The following SDK2 variants were observed in gnomAD, a reference collection of about 807,000 sequenced individuals.
SDK2 encodes the protein protein sidekick-2.
SDK2 carries 105 observed loss-of-function variants against 253.9 expected under a neutral mutation model. The observed-to-expected ratio is 0.41, with a 90% CI of 0.35 to 0.49. The LOEUF is 0.49. Among genes scored for constraint, SDK2 ranks in the 20% least tolerant of loss-of-function variants. The pLI, the probability that SDK2 is intolerant of heterozygous loss-of-function variation, is 0.06. For missense variants in SDK2, 2,608 were observed against 3,003.0 expected, an observed-to-expected ratio of 0.87 and a Z score of 3.07; for synonymous variants, 1,249 against 1,234.9, an observed-to-expected ratio of 1.01 and a Z score of -0.24.
intron 1 of SDK2, among the ~76,000 whole-genome samples, chr17:73,562,258 C>T (rs1176432645): frequency 6.6e-6 from 1 of 152,190 alleles, no homozygotes; most frequent in African/African-American, 2.4e-5. Flanking sequence ...TCCAAGGTAC[C>T]AGGATGGTTC....
intron 16 of SDK2, among the ~76,000 whole-genome samples, chr17:73,416,633 A>T (rs1421032180): frequency 6.6e-6 from 1 of 152,068 alleles, no homozygotes; most frequent in African/African-American, 2.4e-5. Context: ...TCTTTCACCC[A>T]GGCTGGAGTG....
chr17:73,630,121 C>A (rs2046249919), intron 1 of SDK2, among the ~76,000 whole-genome samples: 1 of 152,164 alleles, frequency 6.6e-6, no homozygotes, highest in Non-Finnish European at 1.5e-5. Flanking sequence ...TCAGCCACCA[C>A]CATGACACCT....
rs183916294 is a variant in SDK2, at chr17:73,540,377, A to T, written c.65-32780T>A. ...TTCTCCAATAACACTGGAACTTTAC[A>T]CACACACACAGTCCCCAATATACTA... On this transcript the variant is annotated intron_variant, in intron 1 of 44. Coordinates refer to ENST00000392650, the MANE Select transcript of SDK2 (RefSeq NM_001144952.2). 2.9e-4 allele frequency among the ~76,000 whole-genome samples: 44 copies of T among 152,218 alleles called. No homozygotes were observed. The East Asian group carries it at 5.0e-3, about 17-fold the overall frequency.
At position 73,570,596 on chromosome 17, in the gene SDK2, G is replaced by A. The variant is rs2045371264; in HGVS notation, c.65-62999C>T. Among the ~76,000 whole-genome samples the A allele has an allele frequency of 6.6e-6, 1 of 152,206 alleles. No homozygotes were observed. The highest frequency in any genetic ancestry group is 2.4e-5 in the African/African-American group (1 of 41,460). On this transcript the variant is annotated intron_variant, in intron 1 of 44. Coordinates refer to ENST00000392650, the MANE Select transcript of SDK2 (RefSeq NM_001144952.2). This position sits in a 1 kb window ranked among gnomAD's most constrained non-coding sequence, Gnocchi z 4.2. ...CCACTGAGCGCTGACTACCCGTGAG[G>A]CACTGAACACCACCATCAGCTCACC... is the stretch of plus-strand genomic sequence containing the variant.
chr17:73,384,945 C>A (rs182182788), intron 32 of SDK2, among the ~76,000 whole-genome samples: 1 of 152,248 alleles, frequency 6.6e-6, no homozygotes, highest in South Asian at 2.1e-4. Flanking sequence ...CACGTTGCTC[C>A]AGCCTCGTCC....
intron 36 of SDK2, among the ~76,000 whole-genome samples, chr17:73,368,941 G>A (rs2062710235): frequency 3.3e-5 from 5 of 152,012 alleles, no homozygotes. Context: ...GAACCTGGGA[G>A]GTGGAGGTTG....
rs780265782 is a variant in SDK2 at position 73,350,325 on chromosome 17, C to G, written c.5950G>C (p.Asp1984His). The G allele has an allele frequency of 1.9e-6, 3 of 1,602,446 alleles. No individual in the cohort carries two copies. Among genetic ancestry groups the G allele is most frequent in the African/African-American group, 2.8e-5 (2 of 72,424 alleles). ...TCCAGGGCAGGGAAGCTGCTTTCAT[C>G]CAAGCTCATCATCTCGCTGTGGCCT... ...ALGHSEMMSLDESSFPALELN... is the reference protein window; with the variant it reads ...ALGHSEMMSLHESSFPALELN... Residue 1984 changes from aspartate (D) to histidine (H), a missense_variant, in exon 43 of 45, where the codon GAT becomes CAT. By Grantham distance (81) the Asp-to-His change is moderately conservative. Around this residue, in one of 2 missense-constraint regions of SDK2, gnomAD observed 1,103 missense variants for 1,143.9 expected, o/e 0.96. Coordinates refer to ENST00000392650, the MANE Select transcript of SDK2 (RefSeq NM_001144952.2).
intron 1 of SDK2, among the ~76,000 whole-genome samples, chr17:73,560,499 G>A (rs535638380): frequency 3.3e-5 from 5 of 151,678 alleles, no homozygotes; most frequent in Middle Eastern, 3.4e-3. Context: ...GCCACCATGC[G>A]CGTCTAATTT....
chr17:73,447,512 T>C lies in SDK2; in HGVS notation c.613+103A>G. On this transcript the variant is annotated intron_variant, in intron 5 of 44. Coordinates refer to ENST00000392650, the MANE Select transcript of SDK2 (RefSeq NM_001144952.2). This position sits in a 1 kb window ranked among gnomAD's most constrained non-coding sequence, Gnocchi z 4.0. ...CCCCGGCCGTCCCCTAGCTTCCCTGTCCCCCTCCTCTGCCACTCCATCTTC... is the reference window on the plus strand; with the variant it reads ...CCCCGGCCGTCCCCTAGCTTCCCTGCCCCCCTCCTCTGCCACTCCATCTTC... The C allele has an allele frequency of 6.8e-7, 1 of 1,478,850 alleles. No homozygotes were observed. The highest frequency in any genetic ancestry group is 1.3e-5 in the South Asian group (1 of 76,154). The allele number at this position is 1,478,850 out of a possible 1,614,324, so 91.6% of individuals were successfully genotyped here.
At chr17:73,418,328 AG>A (rs1208877396) in intron 16 of SDK2, among the ~76,000 whole-genome samples, 1 of 152,130 alleles carries the variant, frequency 6.6e-6, no homozygotes, top group Non-Finnish European at 1.5e-5. Context: ...TTAAAAGCAA[AG>A]GTTTCTAAGC....
rs558195799 is a variant in SDK2, at chr17:73,631,781, TG to T, written c.64+12243del. On this transcript the variant is annotated intron_variant, in intron 1 of 44. Coordinates refer to ENST00000392650, the MANE Select transcript of SDK2 (RefSeq NM_001144952.2). ...CCTACTTTGCAAGGGGCTGGTCTTC[TG>T]GGAGCCTCAGCTCTTCTGGAAGGTA... Among the ~76,000 whole-genome samples the T allele has an allele frequency of 1.3e-3, 193 of 152,346 alleles. 1 individual carries two copies. The highest frequency in any genetic ancestry group is 3.7e-3 in the African/African-American group (155 of 41,584).
At position 73,541,187 on chromosome 17, in the gene SDK2, C is replaced by T. The variant is rs1179320126; in HGVS notation, c.65-33590G>A. Among the ~76,000 whole-genome samples the T allele has an allele frequency of 6.6e-6, 1 of 152,186 alleles. No individual in the cohort carries two copies. Among genetic ancestry groups the T allele is most frequent in the Non-Finnish European group, 1.5e-5 (1 of 68,044 alleles). ...GACAGCTCTGGCTGGGGAGAGGCAG[C>T]TGGGCCCCAGAGGGCTGGGGCAGCA... On this transcript the variant is annotated intron_variant, in intron 1 of 44. Coordinates refer to ENST00000392650, the MANE Select transcript of SDK2 (RefSeq NM_001144952.2). This position sits in a 1 kb window ranked among gnomAD's most constrained non-coding sequence, Gnocchi z 4.3.
chr17:73,524,416 C>T (rs1379809412), intron 1 of SDK2, among the ~76,000 whole-genome samples: 1 of 152,186 alleles, frequency 6.6e-6, no homozygotes, highest in Non-Finnish European at 1.5e-5. Flanking sequence ...AAATTCCTGC[C>T]CTTCCCCTGG....
At position 73,336,166 on chromosome 17, in the gene SDK2, A is replaced by T. The variant is rs2062375904; in HGVS notation, c.*2421T>A. ...AAATGCTCAGCAGAGAGGGAAAGGG[A>T]TGAAGTTATTTAAAAAAAAAAAAAA... On this transcript the variant is annotated 3_prime_UTR_variant, in exon 45 of 45. Transcript: ENST00000392650. 6.8e-6 allele frequency: 1 copy of T among 147,576 alleles called. No individual in the cohort carries two copies. The highest frequency in any genetic ancestry group is 2.5e-5 in the African/African-American group (1 of 40,350). 9.1% of individuals were successfully genotyped at this position (147,576 alleles called of 1,614,324 possible).
In SDK2 at chr17:73,639,216, C is replaced by A. The variant is rs1325007984; in HGVS notation, c.64+4809G>T. ...AGGATTCAAAGGGGCAGAAGCCACGCTGGGAGCCATTCACCACGTCTGCAG... is the reference window on the plus strand; with the variant it reads ...AGGATTCAAAGGGGCAGAAGCCACGATGGGAGCCATTCACCACGTCTGCAG... On this transcript the variant is annotated intron_variant, in intron 1 of 44. Transcript: ENST00000392650. This position sits in a 1 kb window ranked among gnomAD's most constrained non-coding sequence, Gnocchi z 4.3. Among the ~76,000 whole-genome samples, 2 of 152,190 alleles carry A rather than the reference C, an allele frequency of 1.3e-5. No homozygotes were observed. Among genetic ancestry groups the A allele is most frequent in the Non-Finnish European group, 2.9e-5 (2 of 68,036 alleles).
chr17:73,402,077 T>G lies in SDK2; in HGVS notation c.2549A>C (p.Gln850Pro), dbSNP rs972798671. Reference protein sequence around the residue: ...VTMVTARPNFQDSIHVGFVSG... With the variant: ...VTMVTARPNFPDSIHVGFVSG... ...CACGAAGCCCACGTGGATGCTGTCT[T>G]GAAAGTTAGGCCGGGCGGTCACCAT... Residue 850 changes from glutamine (Q) to proline (P), a missense_variant, in exon 19 of 45, where the codon CAA becomes CCA. Physicochemically the swap from Gln to Pro is moderately conservative, Grantham distance 76. Coordinates refer to ENST00000392650, the MANE Select transcript of SDK2 (RefSeq NM_001144952.2). 1.3e-5 allele frequency: 21 copies of G among 1,613,876 alleles called. No individual in the cohort carries two copies. The highest frequency in any genetic ancestry group is 3.3e-5 in the Admixed American group (2 of 59,998).
At chr17:73,529,702 C>T (rs113041881) in intron 1 of SDK2, among the ~76,000 whole-genome samples, 179 of 152,164 alleles carry the variant, frequency 1.2e-3, no homozygotes, top group African/African-American at 4.1e-3. Flanking sequence ...GCAGAGATTG[C>T]AGCAATATAT....
At chr17:73,416,198 A>ATTTTTTT (rs1163863879) in intron 16 of SDK2, among the ~76,000 whole-genome samples, 5 of 11,366 alleles carry the variant, frequency 4.4e-4, no homozygotes, top group Non-Finnish European at 9.8e-4. Flanking sequence ...AAATGAATTC[A>ATTTTTTT]ATTTTTTTTT....
At chr17:73,636,136 G>A (rs2046326811) in intron 1 of SDK2, among the ~76,000 whole-genome samples, 1 of 152,172 alleles carries the variant, frequency 6.6e-6, no homozygotes, top group Non-Finnish European at 1.5e-5. Context: ...AAGGCAGCCT[G>A]GAGCAGTGGA....
Sources: allele counts gnomAD v4.1 joint callset (sites outside exome capture counted in the v4.1 genomes callset), GRCh38; gene constraint gnomAD v4.1.1; regional missense constraint gnomAD v4.1.1; non-coding constraint Gnocchi (gnomAD v3.1); transcripts MANE v1.5; gene names NCBI Gene and HGNC (gene_info 2026-07-23, HGNC 2026-07-21).